The following EPHB1 variants were observed in gnomAD, a reference collection of about 807,000 sequenced individuals.
EPHB1 encodes the protein ephrin type-B receptor 1.
EPHB1 carries 30 observed loss-of-function variants against 94.4 expected under a neutral mutation model. The observed-to-expected ratio is 0.32, with a 90% CI of 0.24 to 0.43. EPHB1 has a LOEUF of 0.43. Among genes scored for constraint, EPHB1 ranks in the 20% least tolerant of loss-of-function variants. The pLI is 1.00. For missense variants in EPHB1, 1,055 were observed against 1,308.3 expected (o/e 0.81, Z 2.99); for synonymous variants, 522 against 489.1 (o/e 1.07, Z -0.89).
In EPHB1 at chr3:135,101,547, T is replaced by A. The variant is rs544046207; in HGVS notation, c.806-4901T>A. Among the ~76,000 whole-genome samples the A allele has an allele frequency of 2.6e-5, 4 of 152,056 alleles. No individual in the cohort carries two copies. The East Asian group carries it at 5.8e-4, about 22-fold the overall frequency. On this transcript the variant is annotated intron_variant, in intron 3 of 15. Coordinates refer to ENST00000398015, the MANE Select transcript of EPHB1 (RefSeq NM_004441.5). ...TGCCATGACGCCCAGCTAATTTTTT[T>A]TTTTTTGTATTTTTAGTAGAGACAG...
At chr3:134,797,527 T>C (rs1212117543) in intron 1 of EPHB1, among the ~76,000 whole-genome samples, 1 of 152,170 alleles carries the variant, frequency 6.6e-6, no homozygotes, top group African/African-American at 2.4e-5. Context: ...GTGCCCACTT[T>C]GGGGAGCGTG....
At chr3:135,240,754 T>C (rs1288753446) in intron 12 of EPHB1, among the ~76,000 whole-genome samples, 1 of 152,216 alleles carries the variant, frequency 6.6e-6, no homozygotes, top group African/African-American at 2.4e-5. Context: ...CTGACCCAAA[T>C]GTGTTAGCTT....
chr3:135,237,339 G>A (rs1048409615), intron 12 of EPHB1, among the ~76,000 whole-genome samples: 27 of 151,224 alleles, frequency 1.8e-4, no homozygotes, highest in African/African-American at 5.3e-4. Flanking sequence ...TAAATTTATC[G>A]TATATCTGAG....
intron 2 of EPHB1, among the ~76,000 whole-genome samples, chr3:134,946,507 C>T (rs1264879880): frequency 1.3e-5 from 2 of 152,182 alleles, no homozygotes; most frequent in East Asian, 3.8e-4. Context: ...AAGGTGCATA[C>T]TTCTCCTGGC....
At chr3:135,258,392 A>G (rs1025729808) in intron 15 of EPHB1, among the ~76,000 whole-genome samples, 1 of 152,236 alleles carries the variant, frequency 6.6e-6, no homozygotes, top group Admixed American at 6.5e-5. Flanking sequence ...GCATGGGTCT[A>G]GCACAGGTCA....
intron 9 of EPHB1, among the ~76,000 whole-genome samples, chr3:135,171,768 C>A (rs189931866): frequency 6.6e-6 from 1 of 152,276 alleles, no homozygotes; most frequent in Non-Finnish European, 1.5e-5. Flanking sequence ...TAATAACCAC[C>A]AGTATTGCAC....
chr3:134,866,115 T>G (rs1395533716), intron 1 of EPHB1, among the ~76,000 whole-genome samples: 1 of 152,130 alleles, frequency 6.6e-6, no homozygotes, highest in Non-Finnish European at 1.5e-5. Flanking sequence ...CTGATTCTCC[T>G]CTCCTGATGC....
At chr3:134,947,270 G>GA (rs1197310522) in intron 2 of EPHB1, among the ~76,000 whole-genome samples, 3 of 152,022 alleles carry the variant, frequency 2.0e-5, no homozygotes, top group Non-Finnish European at 4.4e-5. Context: ...TCTCTGTTGG[G>GA]AATGCCATTC....
At chr3:135,063,238 T>G (rs2107778014) in intron 3 of EPHB1, among the ~76,000 whole-genome samples, 1 of 152,312 alleles carries the variant, frequency 6.6e-6, no homozygotes, top group South Asian at 2.1e-4. Flanking sequence ...TGGAGGTATT[T>G]TGATGAGGAT....
At chr3:134,893,310 T>C (rs987679324) in intron 1 of EPHB1, among the ~76,000 whole-genome samples, 1 of 152,322 alleles carries the variant, frequency 6.6e-6, no homozygotes, top group African/African-American at 2.4e-5. Context: ...AATGAACAAA[T>C]CTGTTCACGG....
intron 3 of EPHB1, among the ~76,000 whole-genome samples, chr3:135,096,571 A>G (rs1938774188): frequency 6.6e-6 from 1 of 152,212 alleles, no homozygotes; most frequent in South Asian, 2.1e-4. Context: ...TTAAACAACA[A>G]ACATTTATTT....
chr3:135,257,814 G>C (rs902464756), intron 15 of EPHB1, among the ~76,000 whole-genome samples: 30 of 152,212 alleles, frequency 2.0e-4, no homozygotes, highest in African/African-American at 5.1e-4. Flanking sequence ...CCCCCAGCCT[G>C]GCTGCTGCCT....
At chr3:134,829,111 T>C (rs1245118351) in intron 1 of EPHB1, among the ~76,000 whole-genome samples, 1 of 152,172 alleles carries the variant, frequency 6.6e-6, no homozygotes, top group East Asian at 1.9e-4. Context: ...AAAACTCTCA[T>C]ATGGAGTGTG....
chr3:134,864,584 G>T (rs966617829), intron 1 of EPHB1, among the ~76,000 whole-genome samples: 11 of 152,160 alleles, frequency 7.2e-5, no homozygotes, highest in African/African-American at 2.7e-4. Context: ...AGAGTAAAAA[G>T]ACATCAGTGA....
chr3:135,131,376 T>C (rs1940409255), intron 4 of EPHB1, among the ~76,000 whole-genome samples: 1 of 152,200 alleles, frequency 6.6e-6, no homozygotes, highest in South Asian at 2.1e-4. Context: ...CCCTCATTTT[T>C]TGTGTTGGCA....
intron 3 of EPHB1, among the ~76,000 whole-genome samples, chr3:135,052,025 A>G (rs2107771688): frequency 6.6e-6 from 1 of 152,350 alleles, no homozygotes; most frequent in Non-Finnish European, 1.5e-5. Flanking sequence ...AATTTTATAT[A>G]GGTAACCCAA....
chr3:135,130,283 A>G lies in EPHB1; in HGVS notation c.962-2431A>G, dbSNP rs111376140. ...TAATGGTCCATGTGTTAGGTGATAC[A>G]GAAGATGTGGCTCCCAGGGCCTGAC... On this transcript the variant is annotated intron_variant, in intron 4 of 15. Transcript: ENST00000398015. Among the ~76,000 whole-genome samples, 93 of 152,340 alleles carry G rather than the reference A, an allele frequency of 6.1e-4. 1 individual carries two copies. The highest frequency in any genetic ancestry group is 2.2e-3 in the African/African-American group (91 of 41,578).
At chr3:134,852,103 G>A (rs140765250) in intron 1 of EPHB1, among the ~76,000 whole-genome samples, 403 of 152,280 alleles carry the variant, frequency 2.6e-3, no homozygotes, top group African/African-American at 9.1e-3. Flanking sequence ...ACCTCGGGGC[G>A]TATTTCTACC....
At chr3:135,099,571 C>A (rs192218525) in intron 3 of EPHB1, among the ~76,000 whole-genome samples, 265 of 152,356 alleles carry the variant, frequency 1.7e-3, no homozygotes, top group African/African-American at 4.9e-3. Flanking sequence ...AACCTCATGC[C>A]ACTTCCTTCT....
Sources: allele counts gnomAD v4.1 joint callset (sites outside exome capture counted in the v4.1 genomes callset), GRCh38; gene constraint gnomAD v4.1.1; transcripts MANE v1.5; gene names NCBI Gene and HGNC (gene_info 2026-07-23, HGNC 2026-07-21).